MTMR3: variants seen among roughly 807,000 people sequenced by gnomAD.
The protein encoded by MTMR3 is phosphatidylinositol-3,5-bisphosphate 3-phosphatase MTMR3.
Under a neutral mutation model 132.4 loss-of-function variants are expected in MTMR3, and 32 were observed. The observed-to-expected ratio is 0.24, with a 90% confidence interval of 0.18 to 0.32. The LOEUF (loss-of-function observed/expected upper bound fraction) is 0.32, where lower values mean the gene tolerates loss of function less well. MTMR3 is among the 10% of genes least tolerant of loss of function. The probability of loss-of-function intolerance (pLI) is 1.00; values close to 1 mark genes in which losing one functional copy is unlikely to be tolerated. For missense variants in MTMR3, 1,216 were observed against 1,489.6 expected (o/e 0.82, Z 3.02); for synonymous variants, 556 against 550.3 (o/e 1.01, Z -0.14).
At chr22:29,929,452 C>T (rs2065595367) in intron 1 of MTMR3, among the ~76,000 whole-genome samples, 1 of 151,936 alleles carries the variant, frequency 6.6e-6, no homozygotes, top group Admixed American at 6.6e-5. Flanking sequence ...GTGTGTTGAA[C>T]ATTTGCATTT....
At chr22:29,895,458 T>G (rs557998770) in intron 1 of MTMR3, among the ~76,000 whole-genome samples, 1 of 152,232 alleles carries the variant, frequency 6.6e-6, no homozygotes, top group Non-Finnish European at 1.5e-5. Flanking sequence ...TTCTGCATCC[T>G]GCTGGTTGTG....
At chr22:29,946,333 A>G in intron 1 of MTMR3, among the ~76,000 whole-genome samples, 1 of 152,162 alleles carries the variant, frequency 6.6e-6, no homozygotes, top group African/African-American at 2.4e-5. Context: ...AAGGTGCTAG[A>G]TTGACAACCT....
intron 1 of MTMR3, among the ~76,000 whole-genome samples, chr22:29,922,637 C>G (rs2065439265): frequency 6.6e-6 from 1 of 152,136 alleles, no homozygotes; most frequent in African/African-American, 2.4e-5. Context: ...ATCTGTATAT[C>G]AAGTCTCTGC....
At chr22:29,895,056 A>T (rs1422402619) in intron 1 of MTMR3, among the ~76,000 whole-genome samples, 1 of 152,114 alleles carries the variant, frequency 6.6e-6, no homozygotes, top group Non-Finnish European at 1.5e-5. Context: ...AAAAATACAA[A>T]AATTAACGGG....
chr22:29,953,098 G>A (rs370675292), intron 1 of MTMR3, among the ~76,000 whole-genome samples: 5 of 152,230 alleles, frequency 3.3e-5, no homozygotes, highest in East Asian at 1.9e-4. Flanking sequence ...TTTTAACAGC[G>A]AAAGTGAAAA....
rs144002925 is a variant in MTMR3 at position 29,946,050 on chromosome 22, G to T, written c.-137-10986G>T. Among the ~76,000 whole-genome samples, 559 of 139,006 alleles carry T rather than the reference G, an allele frequency of 4.0e-3. 5 individuals are homozygous for T. The highest frequency in any genetic ancestry group is 5.1e-3 in the South Asian group (21 of 4,118). The allele number at this position is 139,006 out of a possible 152,430, so 91.2% of individuals were successfully genotyped here. On this transcript the variant is annotated intron_variant, in intron 1 of 19. Coordinates refer to ENST00000401950, the MANE Select transcript of MTMR3 (RefSeq NM_021090.4). ...GTGTGTGTGTGTGTAAGGTAATCAAGGTATAATTAAATATAAGCAAATGTT... is the reference window on the plus strand; with the variant it reads ...GTGTGTGTGTGTGTAAGGTAATCAATGTATAATTAAATATAAGCAAATGTT...
At chr22:29,888,768 CTTTTTTTTT>C (rs3049983) in intron 1 of MTMR3, among the ~76,000 whole-genome samples, 2 of 101,882 alleles carry the variant, frequency 2.0e-5, no homozygotes, top group African/African-American at 3.7e-5. Context: ...TTAGTTAATA[CTTTTTTTTT>C]TTTTTTTTTT....
intron 2 of MTMR3, among the ~76,000 whole-genome samples, chr22:29,970,497 CTTTTTTTTTTTTTTTTTT>C (rs11326857): frequency 2.3e-4 from 13 of 57,744 alleles, no homozygotes; most frequent in African/African-American, 1.0e-3. Context: ...CCATGACCAG[CTTTTTTTTTTTTTTTTTT>C]TTTTTTTTTT....
intron 1 of MTMR3, among the ~76,000 whole-genome samples, chr22:29,916,261 C>G (rs2065305833): frequency 6.6e-6 from 1 of 152,144 alleles, no homozygotes; most frequent in Non-Finnish European, 1.5e-5. Context: ...TGTGTAAACT[C>G]TGGTAGTTGT....
At chr22:29,922,941 T>A (rs1221246757) in intron 1 of MTMR3, among the ~76,000 whole-genome samples, 1 of 147,598 alleles carries the variant, frequency 6.8e-6, no homozygotes, top group Non-Finnish European at 1.5e-5. Flanking sequence ...CAGACTGGAG[T>A]GCGGTGGGGT....
chr22:30,016,304 T>TA (rs1184895757), intron 14 of MTMR3: 9 of 492,736 alleles, frequency 1.8e-5, no homozygotes, highest in Non-Finnish European at 2.5e-5. Flanking sequence ...TCACGGAAGC[T>TA]AAGAGGAATA....
chr22:30,011,716 G>C (rs898037492), intron 12 of MTMR3: 2 of 152,282 alleles, frequency 1.3e-5, no homozygotes, highest in Non-Finnish European at 2.9e-5. Context: ...AATCCAGTCT[G>C]TGTTGAGCCC....
chr22:29,967,917 C>CTGTGTGTGTG (rs57853762), intron 2 of MTMR3, among the ~76,000 whole-genome samples: 31 of 148,452 alleles, frequency 2.1e-4, no homozygotes, highest in South Asian at 1.3e-3. Flanking sequence ...ATTATATATA[C>CTGTGTGTGTG]TGTGTGTGTG....
At chr22:29,999,892 GTCC>G (rs1174452164) in intron 8 of MTMR3, 1 of 152,066 alleles carries the variant, frequency 6.6e-6, no homozygotes, top group African/African-American at 2.4e-5. Context: ...CATGCCTGTA[GTCC>G]CAGCAACTTG....
intron 1 of MTMR3, among the ~76,000 whole-genome samples, chr22:29,900,060 T>C (rs1384821264): frequency 1.3e-5 from 2 of 152,346 alleles, no homozygotes; most frequent in South Asian, 2.1e-4. Flanking sequence ...TATTATGATA[T>C]AAAACAAACA....
At chr22:29,997,683 T>C (rs1019560873) in intron 7 of MTMR3, 3 of 152,190 alleles carry the variant, frequency 2.0e-5, no homozygotes, top group African/African-American at 7.2e-5. Context: ...GTATGGTGTT[T>C]CCTGAGATTC....
chr22:30,020,120 G>GGTA lies in MTMR3; in HGVS notation c.2462_2464dup (p.Gly821_Thr822insSer). 6.2e-7 allele frequency: 1 copy of GGTA among 1,614,206 alleles called. No homozygotes were observed. Among genetic ancestry groups the GGTA allele is most frequent in the East Asian group, 2.2e-5 (1 of 44,872 alleles). On this transcript the variant is annotated inframe_insertion, in exon 17 of 20. Coordinates refer to ENST00000401950, the MANE Select transcript of MTMR3 (RefSeq NM_021090.4). ...CCCAGTAGATGCAAAAGTTGGCTATGGTACCTCACAGTCATGTTCTCTGCT... is the reference window on the plus strand; with the variant it reads ...CCCAGTAGATGCAAAAGTTGGCTATGGTAGTACCTCACAGTCATGTTCTCTGCT...
intron 7 of MTMR3, chr22:29,994,404 A>C (rs1269935748): frequency 1.3e-5 from 2 of 152,204 alleles, no homozygotes; most frequent in Non-Finnish European, 2.9e-5. Flanking sequence ...AAAAAAAAAA[A>C]AAAAAAACAC....
chr22:29,955,319 G>T (rs888901664), intron 1 of MTMR3, among the ~76,000 whole-genome samples: 2 of 151,968 alleles, frequency 1.3e-5, no homozygotes, highest in African/African-American at 4.8e-5. Flanking sequence ...TAATGTCCTT[G>T]CTCTAATAAA....
Sources: allele counts gnomAD v4.1 joint callset (sites outside exome capture counted in the v4.1 genomes callset), GRCh38; gene constraint gnomAD v4.1.1; transcripts MANE v1.5; gene names NCBI Gene and HGNC (gene_info 2026-07-23, HGNC 2026-07-21).